ATP8A1: variants seen among roughly 807,000 people sequenced by gnomAD.
ATP8A1 encodes the protein phospholipid-transporting ATPase IA.
Under a neutral mutation model 177.7 loss-of-function variants are expected in ATP8A1, and 90 were observed. The ratio of observed to expected loss-of-function variants is 0.51; its 90% CI spans 0.43 to 0.60. The LOEUF (loss-of-function observed/expected upper bound fraction) is 0.60, where lower values mean the gene tolerates loss of function less well. Ranked by LOEUF, ATP8A1 falls within the 20% of genes least tolerant of loss-of-function variation. ATP8A1 has a pLI of 0.00. For missense variants in ATP8A1, 1,072 were observed against 1,392.8 expected (o/e 0.77, Z 3.67); for synonymous variants, 493 against 485.9 (o/e 1.01, Z -0.19).
chr4:42,430,187 C>T (rs1004483456), intron 33 of ATP8A1, among the ~76,000 whole-genome samples: 18 of 152,046 alleles, frequency 1.2e-4, no homozygotes, highest in Admixed American at 6.6e-5. Flanking sequence ...AAATCCTCTC[C>T]CCACCCCAAA....
chr4:42,620,653 T>C (rs1455370527), intron 4 of ATP8A1, among the ~76,000 whole-genome samples: 1 of 152,190 alleles, frequency 6.6e-6, no homozygotes, highest in Non-Finnish European at 1.5e-5. Flanking sequence ...AGTGTGACTT[T>C]GGACAAGTTA....
chr4:42,506,177 A>G (rs1445655707), intron 23 of ATP8A1, among the ~76,000 whole-genome samples: 1 of 152,210 alleles, frequency 6.6e-6, no homozygotes, highest in East Asian at 1.9e-4. Flanking sequence ...CCAAATTCAT[A>G]TGCTGAAACC....
chr4:42,633,800 AGCT>A (rs10582064), intron 1 of ATP8A1, among the ~76,000 whole-genome samples: 27,590 of 152,086 alleles, frequency 0.18, 2,461 homozygotes, highest in East Asian at 0.26. Flanking sequence ...ATGCTACTAT[AGCT>A]GCTGCTATTT....
intron 5 of ATP8A1, among the ~76,000 whole-genome samples, chr4:42,600,875 A>G (rs911066033): frequency 2.6e-5 from 4 of 152,196 alleles, no homozygotes; most frequent in African/African-American, 7.2e-5. Flanking sequence ...AAGAGTAGCA[A>G]TGTTTAAAAA....
chr4:42,555,397 A>T lies in ATP8A1; in HGVS notation c.1413+571T>A, dbSNP rs551803534. ...ATTGAATTGTATCACAGAAGGTTCAATAATCATTTAAAATGAAACAATTTG... is the reference window on the plus strand; with the variant it reads ...ATTGAATTGTATCACAGAAGGTTCATTAATCATTTAAAATGAAACAATTTG... On this transcript the variant is annotated intron_variant, in intron 16 of 36. Coordinates refer to ENST00000381668, the MANE Select transcript of ATP8A1 (RefSeq NM_006095.2). Among the ~76,000 whole-genome samples the T allele has an allele frequency of 2.6e-5, 4 of 151,828 alleles. No individual in the cohort carries two copies. In the South Asian group the frequency reaches 8.3e-4, roughly 31 times the overall value.
At chr4:42,530,380 A>G (rs1364282699) in intron 20 of ATP8A1, among the ~76,000 whole-genome samples, 2 of 152,236 alleles carry the variant, frequency 1.3e-5, no homozygotes, top group African/African-American at 4.8e-5. Flanking sequence ...TCCTCACTGG[A>G]ACAGACACTT....
chr4:42,547,878 G>C (rs186036575), intron 19 of ATP8A1, among the ~76,000 whole-genome samples: 33 of 152,324 alleles, frequency 2.2e-4, no homozygotes, highest in African/African-American at 7.7e-4. Context: ...TTATGCAGAA[G>C]AAAGTTCAAG....
At chr4:42,577,500 T>C (rs951984509) in intron 12 of ATP8A1, among the ~76,000 whole-genome samples, 1 of 152,136 alleles carries the variant, frequency 6.6e-6, no homozygotes, top group African/African-American at 2.4e-5. Context: ...TTACAATGAT[T>C]GAAAAAGAAA....
chr4:42,589,836 T>A (rs1458008669), intron 7 of ATP8A1, among the ~76,000 whole-genome samples: 2 of 134,702 alleles, frequency 1.5e-5, no homozygotes, highest in African/African-American at 5.5e-5. Flanking sequence ...ACAATTAGAA[T>A]AATATTCTAA....
At chr4:42,544,589 ACTGT>A (rs1728706615) in intron 19 of ATP8A1, among the ~76,000 whole-genome samples, 1 of 152,226 alleles carries the variant, frequency 6.6e-6, no homozygotes. Flanking sequence ...TTTAATAAGA[ACTGT>A]CTGTCAAATG....
At chr4:42,419,060 G>T (rs183221492) in intron 35 of ATP8A1, among the ~76,000 whole-genome samples, 1 of 152,262 alleles carries the variant, frequency 6.6e-6, no homozygotes, top group East Asian at 1.9e-4. Context: ...AGTAAATGAT[G>T]GTTGCTTTGG....
chr4:42,479,788 T>C lies in ATP8A1; in HGVS notation c.2324+5708A>G, dbSNP rs572815904. ...AAAACAGTAAAATGAATAAGAGGGA[T>C]GGTGATGGAAATCAAGGTAGCAGTT... On this transcript the variant is annotated intron_variant, in intron 25 of 36. Coordinates refer to ENST00000381668, the MANE Select transcript of ATP8A1 (RefSeq NM_006095.2). 2.0e-5 allele frequency among the ~76,000 whole-genome samples: 3 copies of C among 152,228 alleles called. No homozygotes were observed. The South Asian group carries it at 6.2e-4, about 32-fold the overall frequency.
intron 18 of ATP8A1, among the ~76,000 whole-genome samples, chr4:42,549,622 C>T (rs148137897): frequency 1.3e-5 from 2 of 152,062 alleles, no homozygotes; most frequent in Non-Finnish European, 2.9e-5. Context: ...GACCCCATCT[C>T]TATTAAAAAA....
intron 1 of ATP8A1, among the ~76,000 whole-genome samples, chr4:42,642,718 T>C (rs927627855): frequency 4.6e-5 from 7 of 152,166 alleles, no homozygotes; most frequent in African/African-American, 1.4e-4. Context: ...AATCACTCCA[T>C]GCAGTAAGTA....
At position 42,503,196 on chromosome 4, in the gene ATP8A1, T is replaced by C. The variant is rs1560397309; in HGVS notation, c.2151+254A>G. ...CAGCAACCTCTTGACATAATGCTTTTGTAAAACAACTTTTCTGTCTCACAA... is the reference window on the plus strand; with the variant it reads ...CAGCAACCTCTTGACATAATGCTTTCGTAAAACAACTTTTCTGTCTCACAA... On this transcript the variant is annotated intron_variant, in intron 24 of 36. Transcript: ENST00000381668. 2.0e-5 allele frequency among the ~76,000 whole-genome samples: 3 copies of C among 152,250 alleles called. No homozygotes were observed. The South Asian group carries it at 6.2e-4, about 31-fold the overall frequency.
At chr4:42,468,412 CATATTTTAT>C (rs1720023891) in intron 25 of ATP8A1, among the ~76,000 whole-genome samples, 1 of 146,084 alleles carries the variant, frequency 6.8e-6, no homozygotes, top group Admixed American at 7.0e-5. Context: ...TTTATATATA[CATATTTTAT>C]ATATTTTATA....
chr4:42,582,334 T>C (rs1288034553), intron 9 of ATP8A1, among the ~76,000 whole-genome samples: 1 of 152,148 alleles, frequency 6.6e-6, no homozygotes. Context: ...TTAACCAAAA[T>C]AATAGGTAAT....
intron 27 of ATP8A1, among the ~76,000 whole-genome samples, chr4:42,462,763 C>A (rs556447908): frequency 2.0e-5 from 3 of 152,248 alleles, no homozygotes; most frequent in Admixed American, 6.5e-5. Context: ...GCACCTGATG[C>A]CAGCCTGTGA....
chr4:42,540,869 T>C (rs1728316803), intron 20 of ATP8A1, among the ~76,000 whole-genome samples: 1 of 152,186 alleles, frequency 6.6e-6, no homozygotes, highest in South Asian at 2.1e-4. Flanking sequence ...ATCAATTCAA[T>C]GTTTGATAGC....
Sources: allele counts gnomAD v4.1 joint callset (sites outside exome capture counted in the v4.1 genomes callset), GRCh38; gene constraint gnomAD v4.1.1; transcripts MANE v1.5; gene names NCBI Gene and HGNC (gene_info 2026-07-23, HGNC 2026-07-21).